PID1: variants seen among roughly 807,000 people sequenced by gnomAD.
PID1 encodes PTB-containing, cubilin and LRP1-interacting protein.
Under a neutral mutation model 19.1 loss-of-function variants are expected in PID1, and 10 were observed. The observed-to-expected ratio is 0.52, with a 90% CI of 0.32 to 0.89. PID1 has a LOEUF of 0.89. Ranked by LOEUF, PID1 falls within the 40% of genes least tolerant of loss-of-function variation. The pLI, the probability that PID1 is intolerant of heterozygous loss-of-function variation, is 0.03. For synonymous variants in PID1, 130 were observed against 116.0 expected (o/e 1.12, Z -0.78); for missense variants, 248 against 285.3 (o/e 0.87, Z 0.94).
chr2:229,142,351 T>C (rs1453906361), intron 2 of PID1, among the ~76,000 whole-genome samples: 1 of 152,154 alleles, frequency 6.6e-6, no homozygotes, highest in Non-Finnish European at 1.5e-5. Context: ...AGAGGATTTC[T>C]GGGAAAAGAT....
chr2:229,028,894 A>G (rs1408761063), intron 2 of PID1, among the ~76,000 whole-genome samples: 2 of 152,208 alleles, frequency 1.3e-5, no homozygotes, highest in African/African-American at 4.8e-5. Flanking sequence ...TATCAGTTCT[A>G]CTAATAAGTG....
intron 2 of PID1, among the ~76,000 whole-genome samples, chr2:229,093,405 C>A (rs192458326): frequency 6.6e-6 from 1 of 151,572 alleles, no homozygotes; most frequent in African/African-American, 2.4e-5. Flanking sequence ...ATTACAGGAG[C>A]GAGCCATCAA....
At chr2:229,087,659 C>T (rs1447677165) in intron 2 of PID1, among the ~76,000 whole-genome samples, 2 of 152,104 alleles carry the variant, frequency 1.3e-5, no homozygotes, top group Non-Finnish European at 2.9e-5. Context: ...TGCTTTTCTC[C>T]CTTTCTCCTT....
intron 1 of PID1, among the ~76,000 whole-genome samples, chr2:229,157,489 C>T (rs13024189): frequency 6.6e-6 from 1 of 151,398 alleles, no homozygotes. Context: ...TAAGGAAAGT[C>T]TGATGGGACA....
intron 2 of PID1, among the ~76,000 whole-genome samples, chr2:229,073,489 A>G (rs1694499137): frequency 6.6e-6 from 1 of 152,208 alleles, no homozygotes; most frequent in Admixed American, 6.5e-5. Context: ...AGGAGTTGGG[A>G]GAAAACATCT....
At chr2:229,166,295 C>T (rs1574684329) in intron 1 of PID1, among the ~76,000 whole-genome samples, 2 of 146,422 alleles carry the variant, frequency 1.4e-5, no homozygotes, top group East Asian at 4.5e-4. Flanking sequence ...TCAGTTGTTG[C>T]CTGGGGATAG....
chr2:229,266,177 T>A (rs1255050780), intron 1 of PID1, among the ~76,000 whole-genome samples: 1 of 152,104 alleles, frequency 6.6e-6, no homozygotes, highest in Non-Finnish European at 1.5e-5. Context: ...CTAGAATGGG[T>A]TTAGTGAGAA....
At chr2:229,040,012 T>G (rs184168307) in intron 2 of PID1, among the ~76,000 whole-genome samples, 1 of 152,054 alleles carries the variant, frequency 6.6e-6, no homozygotes, top group Non-Finnish European at 1.5e-5. Context: ...ATAAAGCAGT[T>G]GAATACATTA....
chr2:229,126,640 T>C (rs963623026), intron 2 of PID1, among the ~76,000 whole-genome samples: 1 of 152,230 alleles, frequency 6.6e-6, no homozygotes, highest in Non-Finnish European at 1.5e-5. Context: ...TTCTTAAACA[T>C]GATTCAGAAG....
At chr2:229,163,456 T>C (rs574350420) in intron 1 of PID1, among the ~76,000 whole-genome samples, 2 of 152,292 alleles carry the variant, frequency 1.3e-5, no homozygotes, top group Admixed American at 1.3e-4. Flanking sequence ...AAAATACTCA[T>C]GTTCACACAG....
intron 2 of PID1, among the ~76,000 whole-genome samples, chr2:229,069,509 C>A (rs565743953): frequency 1.1e-4 from 16 of 152,196 alleles, no homozygotes; most frequent in South Asian, 6.2e-4. Context: ...AAGCACAAAG[C>A]AAATACAACA....
intron 2 of PID1, among the ~76,000 whole-genome samples, chr2:229,072,023 TC>T (rs1419295350): frequency 6.6e-5 from 10 of 152,218 alleles, no homozygotes. Flanking sequence ...TTTTGAGTAC[TC>T]ATGGGATCAT....
chr2:229,190,540 C>T (rs1691237739), intron 1 of PID1, among the ~76,000 whole-genome samples: 1 of 152,158 alleles, frequency 6.6e-6, no homozygotes, highest in Non-Finnish European at 1.5e-5. Flanking sequence ...ACATTAAGTC[C>T]CTGTCTATAG....
intron 1 of PID1, 100 bp downstream of exon 1, chr2:229,270,914 T>A: frequency 9.1e-7 from 1 of 1,102,654 alleles, no homozygotes; most frequent in Non-Finnish European, 1.3e-6. Context: ...ACAAGATGGT[T>A]TTGGGCAAAT....
chr2:229,229,451 G>A (rs975314023), intron 1 of PID1, among the ~76,000 whole-genome samples: 4 of 146,154 alleles, frequency 2.7e-5, no homozygotes, highest in Non-Finnish European at 6.0e-5. Context: ...TGGGCAACAA[G>A]ACGAAACCGC....
chr2:229,224,173 A>G (rs948193259), intron 1 of PID1, among the ~76,000 whole-genome samples: 1 of 152,186 alleles, frequency 6.6e-6, no homozygotes, highest in South Asian at 2.1e-4. Flanking sequence ...TAAAAAGTCA[A>G]AAAATAACCA....
Position 229,271,167 on chromosome 2 carries a change from GGC to G in PID1, c.-126_-125del. On this transcript the variant is annotated 5_prime_UTR_variant, in exon 1 of 3. Transcript: ENST00000392055. Reference sequence around the variant, plus strand: ...TCCGCGGGATGTGCGTCCTGGCGCTGGCCACCGCCGCCGGGTGGGCGTAGGGG... The same window carrying G: ...TCCGCGGGATGTGCGTCCTGGCGCTGCACCGCCGCCGGGTGGGCGTAGGGG... 9.0e-7 allele frequency: 1 copy of G among 1,108,430 alleles called. No individual in the cohort carries two copies. Among genetic ancestry groups the G allele is most frequent in the Admixed American group, 2.5e-5 (1 of 40,462 alleles). The allele number at this position is 1,108,430 out of a possible 1,614,324, so 68.7% of individuals were successfully genotyped here.
intron 1 of PID1, among the ~76,000 whole-genome samples, chr2:229,197,319 A>G (rs1023666489): frequency 2.0e-5 from 3 of 152,016 alleles, no homozygotes; most frequent in Admixed American, 2.0e-4. Context: ...AAATTCCTAA[A>G]GAGAAGAAAA....
intron 2 of PID1, among the ~76,000 whole-genome samples, chr2:229,054,220 G>C (rs1694050592): frequency 6.6e-6 from 1 of 152,212 alleles, no homozygotes; most frequent in Non-Finnish European, 1.5e-5. Context: ...CAGGGGATCA[G>C]AAAAGACCAG....
Sources: allele counts gnomAD v4.1 joint callset (sites outside exome capture counted in the v4.1 genomes callset), GRCh38; gene constraint gnomAD v4.1.1; transcripts MANE v1.5; gene names NCBI Gene and HGNC (gene_info 2026-07-23, HGNC 2026-07-21).